Variants in LAYN observed in about 807,000 individuals in gnomAD.
LAYN encodes layilin.
In LAYN, 38 loss-of-function variants were observed where a neutral mutation model predicts 43.6. That is an observed-to-expected ratio of 0.87 (90% CI 0.67 to 1.14). The LOEUF is 1.14. LAYN is among the 50% of genes most tolerant of loss of function. The pLI, the probability that LAYN is intolerant of heterozygous loss-of-function variation, is 0.00. For missense variants in LAYN, 479 were observed against 463.8 expected, an observed-to-expected ratio of 1.03 and a Z score of -0.30; for synonymous variants, 168 against 172.9, an observed-to-expected ratio of 0.97 and a Z score of 0.22.
At chr11:111,558,215 A>T (rs1326452770) in intron 6 of LAYN, among the ~76,000 whole-genome samples, 1 of 149,736 alleles carries the variant, frequency 6.7e-6, no homozygotes, top group African/African-American at 2.5e-5. Context: ...ATTTTATTTT[A>T]TTTTATTTTT....
chr11:111,553,108 T>TG (rs768487911), intron 3 of LAYN, among the ~76,000 whole-genome samples: 1 of 151,968 alleles, frequency 6.6e-6, no homozygotes, highest in Non-Finnish European at 1.5e-5. Flanking sequence ...CCGGGCATGG[T>TG]GGTGGGCACC....
rs1338919960 is a variant in LAYN, at chr11:111,555,191, A to G, written c.575-16A>G. 7.5e-6 allele frequency: 12 copies of G among 1,592,774 alleles called. No homozygotes were observed. Among genetic ancestry groups the G allele is most frequent in the African/African-American group, 1.3e-5 (1 of 74,444 alleles). On this transcript the variant is annotated splice_polypyrimidine_tract_variant and intron_variant, in intron 4 of 6. Transcript: ENST00000375614. ...TGCCTTTCTTCAAGTTCACAAGTCCATGTGTCTCTCTCCAGGTGAGGAAAC... is the reference window on the plus strand; with the variant it reads ...TGCCTTTCTTCAAGTTCACAAGTCCGTGTGTCTCTCTCCAGGTGAGGAAAC...
At chr11:111,540,630 G>A (rs1867510989), upstream of LAYN, 2 of 509,120 alleles carry the variant, frequency 3.9e-6, no homozygotes, top group Non-Finnish European at 6.8e-6. Context: ...TGTCGGGGGC[G>A]GGCCAGCCAG....
At chr11:111,541,115 G>T (rs1867528673) in intron 1 of LAYN, among the ~76,000 whole-genome samples, 187 bp downstream of exon 1, 2 of 152,268 alleles carry the variant, frequency 1.3e-5, no homozygotes, top group Admixed American at 6.5e-5. Context: ...ACCCACGCCA[G>T]TTCCCGGAGC....
intron 5 of LAYN, among the ~76,000 whole-genome samples, chr11:111,555,598 G>A (rs1319959021): frequency 6.6e-6 from 1 of 152,146 alleles, no homozygotes; most frequent in Non-Finnish European, 1.5e-5. Context: ...AGAAAATGTA[G>A]AGAAATAAGA....
intron 3 of LAYN, 105 bp downstream of exon 3, chr11:111,549,880 G>C (rs976624031): frequency 5.8e-6 from 7 of 1,211,756 alleles, no homozygotes; most frequent in Middle Eastern, 1.9e-4. Context: ...GAGAAAGCTT[G>C]TTGCAAATGC....
intron 6 of LAYN, among the ~76,000 whole-genome samples, chr11:111,558,859 CT>C (rs1867892649): frequency 6.6e-6 from 1 of 151,498 alleles, no homozygotes; most frequent in Non-Finnish European, 1.5e-5. Flanking sequence ...GCAATCTCGG[CT>C]CACTGCAACC....
rs766407088 is a variant in LAYN at position 111,560,103 on chromosome 11, A to C, written c.770A>C (p.Glu257Ala). The C allele has an allele frequency of 6.3e-7, 1 of 1,598,426 alleles. No homozygotes were observed. Among genetic ancestry groups the C allele is most frequent in the Non-Finnish European group, 8.5e-7 (1 of 1,172,122 alleles). The change falls in exon 7 of 7, where the codon GAG becomes GCG. Residue 257 changes from glutamate to alanine, a missense_variant. Coordinates refer to ENST00000375614, the MANE Select transcript of LAYN (RefSeq NM_178834.5). The part of the protein sequence containing the change: ...WVWICRKRKR[E>A]QPDPSTKKQH... Reference sequence around the variant, plus strand: ...GTTTTCTTTCTTCCTAGAAAACGGGAGCAGCCAGACCCTAGCACAAAGAAG... The same window carrying C: ...GTTTTCTTTCTTCCTAGAAAACGGGCGCAGCCAGACCCTAGCACAAAGAAG...
At position 111,555,271 on chromosome 11, in the gene LAYN, A is replaced by C. The variant is rs1565272996; in HGVS notation, c.639A>C (p.Lys213Asn). 2 of 1,613,628 alleles carry C rather than the reference A, an allele frequency of 1.2e-6. No individual in the cohort carries two copies. Among genetic ancestry groups the C allele is most frequent in the Non-Finnish European group, 1.7e-6 (2 of 1,179,576 alleles). ...PEETQEEDAK[K>N]TFKESREAAL... ...AAACACAGGAAGAAGATGCCAAAAA[A>C]ACATTTAAAGAAAGTAGAGGTATCT... The change falls in exon 5 of 7, where the codon AAA becomes AAC. Residue 213 changes from lysine (K) to asparagine (N), a missense_variant. By Grantham distance (94) the Lys-to-Asn change is moderately conservative. Transcript: ENST00000375614.
intron 3 of LAYN, 111 bp downstream of exon 3, chr11:111,549,886 A>C (rs1406790667): frequency 8.9e-7 from 1 of 1,128,106 alleles, no homozygotes; most frequent in Non-Finnish European, 1.3e-6. Context: ...GCTTGTTGCA[A>C]ATGCCAGCAA....
At chr11:111,544,938 T>TA (rs1448454972) in intron 2 of LAYN, among the ~76,000 whole-genome samples, 1 of 151,326 alleles carries the variant, frequency 6.6e-6, no homozygotes, top group African/African-American at 2.4e-5. Flanking sequence ...GTTTATAAAA[T>TA]AAAAAATCTA....
chr11:111,544,869 A>G (rs1020866315), intron 2 of LAYN, among the ~76,000 whole-genome samples: 1 of 152,156 alleles, frequency 6.6e-6, no homozygotes, highest in African/African-American at 2.4e-5. Flanking sequence ...TAAAGAGTTT[A>G]TATGTCAATA....
At position 111,561,152 on chromosome 11, in the gene LAYN, G is replaced by C. The variant is rs1376876662; in HGVS notation, c.*694G>C. The C allele has an allele frequency of 3.3e-5, 5 of 152,536 alleles. No individual in the cohort carries two copies. The highest frequency in any genetic ancestry group is 1.2e-4 in the African/African-American group (5 of 41,444). 9.4% of individuals were successfully genotyped at this position (152,536 alleles called of 1,614,324 possible). On this transcript the variant is annotated 3_prime_UTR_variant, in exon 7 of 7. Coordinates refer to ENST00000375614, the MANE Select transcript of LAYN (RefSeq NM_178834.5). The stretch of plus-strand genomic sequence containing the variant: ...AGATTGGAGGATAGCTTGAGTTCAG[G>C]AGTTCCAGACCTTCCTGGGCAAAAT...
At chr11:111,559,724 G>T (rs994930445) in intron 6 of LAYN, among the ~76,000 whole-genome samples, 1 of 152,106 alleles carries the variant, frequency 6.6e-6, no homozygotes, top group Non-Finnish European at 1.5e-5. Context: ...CTCCCAAAGT[G>T]TTAGGATTAC....
rs560838270 is a variant in LAYN at position 111,540,904 on chromosome 11, G to A, written c.61G>A (p.Ala21Thr). 2.0e-6 allele frequency: 3 copies of A among 1,532,288 alleles called. No individual in the cohort carries two copies. Among genetic ancestry groups the A allele is most frequent in the East Asian group, 2.5e-5 (1 of 40,812 alleles). The allele number at this position is 1,532,288 out of a possible 1,614,324, so 94.9% of individuals were successfully genotyped here. Residue 21 changes from alanine to threonine, a missense_variant, in exon 1 of 7, where the codon GCC becomes ACC. Coordinates refer to ENST00000375614, the MANE Select transcript of LAYN (RefSeq NM_178834.5). ...GGCCGTGCTGCTGGTGGGGCTGCGG[G>A]CCGCGACGGGTCGCCTGCTGAGTGG... Reference protein sequence around the residue: ...LLAVLLVGLRAATGRLLSGQP... With the variant: ...LLAVLLVGLRTATGRLLSGQP...
At position 111,561,510 on chromosome 11, in the gene LAYN, C is replaced by G. The variant is rs1186209910; in HGVS notation, c.*1052C>G. ...AACATGACTAATAATGATGACAGTT[C>G]TACCTTTTGTTGACAGACCTCATTG... On this transcript the variant is annotated 3_prime_UTR_variant, in exon 7 of 7. Coordinates refer to ENST00000375614, the MANE Select transcript of LAYN (RefSeq NM_178834.5). 6.6e-6 allele frequency: 1 copy of G among 152,170 alleles called. No individual in the cohort carries two copies. Among genetic ancestry groups the G allele is most frequent in the Non-Finnish European group, 1.5e-5 (1 of 68,044 alleles). The allele number at this position is 152,170 out of a possible 1,614,324, so 9.4% of individuals were successfully genotyped here. A position where few individuals can be genotyped will look rare whatever the true frequency, so the allele number is the denominator to read the frequency against.
At chr11:111,550,149 T>C (rs1194872349) in intron 3 of LAYN, among the ~76,000 whole-genome samples, 1 of 152,238 alleles carries the variant, frequency 6.6e-6, no homozygotes, top group Non-Finnish European at 1.5e-5. Context: ...CCATTGCTCC[T>C]ACAAGTCTTC....
At position 111,560,359 on chromosome 11, in the gene LAYN, G is replaced by A. The variant is rs746144501; in HGVS notation, c.1026G>A (p.Glu342=). 2.5e-6 allele frequency: 4 copies of A among 1,614,220 alleles called. No individual in the cohort carries two copies. Among genetic ancestry groups the A allele is most frequent in the Non-Finnish European group, 3.4e-6 (4 of 1,180,032 alleles). ...ESGFVTLVSV[E]SGFVTNDIYE... is the part of the protein sequence containing the mutation. ...GGTTTGTGACTCTGGTGAGCGTGGA[G>A]AGTGGATTTGTGACCAATGACATTT... The change falls in exon 7 of 7, where the codon GAG becomes GAA. Residue 342 remains glutamate (E), a synonymous_variant. Coordinates refer to ENST00000375614, the MANE Select transcript of LAYN (RefSeq NM_178834.5).
rs1867941033 is a variant in LAYN, at chr11:111,560,675, C to T, written c.*217C>T. 1 of 552,352 alleles carries T rather than the reference C, an allele frequency of 1.8e-6. No individual in the cohort carries two copies. Among genetic ancestry groups the T allele is most frequent in the Non-Finnish European group, 3.2e-6 (1 of 312,712 alleles). 34.2% of individuals were successfully genotyped at this position (552,352 alleles called of 1,614,324 possible). A position where few individuals can be genotyped will look rare whatever the true frequency, so the allele number is the denominator to read the frequency against. Reference sequence around the variant, plus strand: ...CCAGCTCGACCTTATGAGAAGGTACCTTGCCCAGGTCTGGCACATAGTAGA... The same window carrying T: ...CCAGCTCGACCTTATGAGAAGGTACTTTGCCCAGGTCTGGCACATAGTAGA... On this transcript the variant is annotated 3_prime_UTR_variant, in exon 7 of 7. Coordinates refer to ENST00000375614, the MANE Select transcript of LAYN (RefSeq NM_178834.5).
Sources: gnomAD v4.1 joint callset for allele counts (sites outside exome capture counted in the v4.1 genomes callset) on GRCh38, gnomAD v4.1.1 for gene constraint, MANE v1.5 for transcripts, NCBI Gene and HGNC (gene_info 2026-07-23, HGNC 2026-07-21) for gene names.